The following RYR3 variants were observed in gnomAD, a reference collection of about 807,000 sequenced individuals.
RYR3 encodes the protein ryanodine receptor 3.
In RYR3, 207 loss-of-function variants were observed where a neutral mutation model predicts 584.3. The ratio of observed to expected loss-of-function variants is 0.35; its 90% CI spans 0.32 to 0.40. The LOEUF is 0.40. RYR3 is among the 10% of genes least tolerant of loss of function. The pLI is 1.00. For missense variants in RYR3, 5,616 were observed against 6,089.2 expected (o/e 0.92, Z 2.59); for synonymous variants, 2,416 against 2,248.5 (o/e 1.07, Z -2.11).
At chr15:33,465,469 A>G (rs2048407469) in intron 1 of RYR3, among the ~76,000 whole-genome samples, 1 of 152,120 alleles carries the variant, frequency 6.6e-6, no homozygotes, top group Non-Finnish European at 1.5e-5. Flanking sequence ...TATGCTCACC[A>G]ATACTTCATA....
At chr15:33,858,935 GC>G (rs1381665048) in intron 99 of RYR3, 1 of 152,378 alleles carries the variant, frequency 6.6e-6, no homozygotes, top group Admixed American at 6.5e-5. Context: ...AGCAATCCTA[GC>G]CCCTAGAGTA....
At chr15:33,417,735 T>G (rs1453299260) in intron 1 of RYR3, among the ~76,000 whole-genome samples, 2 of 152,174 alleles carry the variant, frequency 1.3e-5, no homozygotes, top group Non-Finnish European at 2.9e-5. Flanking sequence ...ATAAGAGCAG[T>G]GGGAATGGAC....
At position 33,665,246 on chromosome 15, in the gene RYR3, A is replaced by G. The variant is rs193258738; in HGVS notation, c.5619+1509A>G. Among the ~76,000 whole-genome samples the G allele has an allele frequency of 4.4e-3, 666 of 152,228 alleles. 1 individual carries two copies. Among genetic ancestry groups the G allele is most frequent in the Admixed American group, 0.011 (174 of 15,294 alleles). On this transcript the variant is annotated intron_variant, in intron 36 of 103. Transcript: ENST00000634891. Reference sequence around the variant, plus strand: ...TGTGGGTTCCCAAACTGGCTCCCCCATTGCTCGCTGTGTGGTCTTCCACAT... The same window carrying G: ...TGTGGGTTCCCAAACTGGCTCCCCCGTTGCTCGCTGTGTGGTCTTCCACAT...
At position 33,840,446 on chromosome 15, in the gene RYR3, A is replaced by G. The variant is rs2078285644; in HGVS notation, c.12979-379A>G. ...TGGGATACTGGCAAGAGGATTAAAG[A>G]CAAGGCAAGAAGAAGCCTGTCAGAT... On this transcript the variant is annotated intron_variant, in intron 89 of 103. Coordinates refer to ENST00000634891, the MANE Select transcript of RYR3 (RefSeq NM_001036.6). 1.7e-5 allele frequency: 4 copies of G among 229,788 alleles called. No individual in the cohort carries two copies. In the South Asian group the frequency reaches 3.1e-4, roughly 18 times the overall value. The allele number at this position is 229,788 out of a possible 1,614,324, so 14.2% of individuals were successfully genotyped here.
At chr15:33,848,181 T>C (rs2078845885) in intron 93 of RYR3, 110 bp from the exon 94 acceptor site, 1 of 1,366,016 alleles carries the variant, frequency 7.3e-7, no homozygotes, top group Non-Finnish European at 1.0e-6. Context: ...AATTCCACTA[T>C]AAGGAGATTG....
intron 3 of RYR3, among the ~76,000 whole-genome samples, chr15:33,516,113 C>A (rs1162639508): frequency 6.6e-6 from 1 of 152,116 alleles, no homozygotes; most frequent in African/African-American, 2.4e-5. Flanking sequence ...TTGCTTCAAT[C>A]CCTTTTCCTG....
chr15:33,572,688 C>CACACACAT (rs368204203), intron 12 of RYR3, among the ~76,000 whole-genome samples: 3,630 of 131,154 alleles, frequency 0.028, 74 homozygotes, highest in African/African-American at 0.044. Context: ...CACACACACA[C>CACACACAT]ACTGGGCTGG....
chr15:33,686,689 C>T (rs2065033545), intron 38 of RYR3, among the ~76,000 whole-genome samples: 1 of 152,168 alleles, frequency 6.6e-6, no homozygotes, highest in African/African-American at 2.4e-5. Flanking sequence ...AAAATACTGG[C>T]AAACTGAATC....
intron 43 of RYR3, among the ~76,000 whole-genome samples, chr15:33,718,146 G>C (rs779727915): frequency 6.6e-6 from 1 of 152,110 alleles, no homozygotes; most frequent in African/African-American, 2.4e-5. Context: ...CTGAAGCCCC[G>C]TGTTCTCTCT....
At chr15:33,678,289 G>T (rs1417441862) in intron 38 of RYR3, among the ~76,000 whole-genome samples, 1 of 152,170 alleles carries the variant, frequency 6.6e-6, no homozygotes, top group South Asian at 2.1e-4. Context: ...ATCATGGGGG[G>T]GAGACTTCCC....
rs144115767 is a variant in RYR3 at position 33,662,986 on chromosome 15, A to ATC, written c.5418+40_5418+41dup. On this transcript the variant is annotated intron_variant, in intron 35 of 103. Coordinates refer to ENST00000634891, the MANE Select transcript of RYR3 (RefSeq NM_001036.6). ...TGGTTAAGTGGAGGCAGGTTAATAG[A>ATC]TCTTCTGCTTTGATCAAAATATCAG... 765 of 1,557,256 alleles carry ATC rather than the reference A, an allele frequency of 4.9e-4. 1 individual carries two copies. The African/African-American group carries it at 9.4e-3, about 19-fold the overall frequency.
At position 33,736,269 on chromosome 15, in the gene RYR3, C is replaced by A. The variant is rs982640281; in HGVS notation, c.7459C>A (p.Arg2487=). 9 of 1,612,914 alleles carry A rather than the reference C, an allele frequency of 5.6e-6. No homozygotes were observed. The highest frequency in any genetic ancestry group is 3.3e-5 in the Admixed American group (2 of 59,970). Residue 2487 remains arginine, a synonymous_variant, in exon 49 of 104, where the codon CGA becomes AGA. Transcript: ENST00000634891. ...LRPSMLQQLL[R]RLVFDVPQLN... ...GCCTTCCATGTTACAGCAACTCCTG[C>A]GACGCCTCGTTTTTGATGTGCCGCA... is the stretch of plus-strand genomic sequence containing the variant.
intron 13 of RYR3, among the ~76,000 whole-genome samples, chr15:33,580,459 T>A (rs1286816231): frequency 7.0e-6 from 1 of 143,634 alleles, no homozygotes; most frequent in African/African-American, 2.9e-5. Flanking sequence ...TTGGGAAACG[T>A]TAGAATTACC....
At chr15:33,632,847 C>T (rs1254175484) in intron 23 of RYR3, 102 bp from the exon 24 acceptor site, 1 of 979,436 alleles carries the variant, frequency 1.0e-6, no homozygotes, top group Non-Finnish European at 1.5e-6. Context: ...TGACTGTAGC[C>T]TTATTTGCGT....
At chr15:33,339,686 C>T (rs946494316) in intron 1 of RYR3, among the ~76,000 whole-genome samples, 2 of 151,982 alleles carry the variant, frequency 1.3e-5, no homozygotes, top group Non-Finnish European at 1.5e-5. Context: ...TCAGGAGATC[C>T]AGACCATCCT....
intron 1 of RYR3, among the ~76,000 whole-genome samples, chr15:33,385,981 C>T (rs1347857179): frequency 2.0e-5 from 3 of 152,054 alleles, no homozygotes; most frequent in South Asian, 2.1e-4. Context: ...ACTGGGATAA[C>T]AGATGTGAGC....
chr15:33,566,907 A>C, intron 12 of RYR3, 108 bp downstream of exon 12: 1 of 1,242,996 alleles, frequency 8.0e-7, no homozygotes, highest in Non-Finnish European at 1.2e-6. Context: ...AAATAATGAT[A>C]CACCAGCAAA....
intron 43 of RYR3, among the ~76,000 whole-genome samples, chr15:33,715,077 A>G (rs2067396860): frequency 6.6e-6 from 1 of 152,224 alleles, no homozygotes; most frequent in Non-Finnish European, 1.5e-5. Context: ...ATAGTTTAAC[A>G]AAGTCCTAAA....
In RYR3 at chr15:33,767,063, G is replaced by GA. The variant is rs571881623; in HGVS notation, c.8706-1590dup. Among the ~76,000 whole-genome samples, 12 of 152,340 alleles carry GA rather than the reference G, an allele frequency of 7.9e-5. 1 individual carries two copies. Among genetic ancestry groups the GA allele is most frequent in the Admixed American group, 4.6e-4 (7 of 15,298 alleles). On this transcript the variant is annotated intron_variant, in intron 60 of 103. Transcript: ENST00000634891. ...ACAACCCAAATATCTGCCTTTGTTA[G>GA]AAAAACATTGTTTTGTGTTTACACA...
Sources: gnomAD v4.1 joint callset for allele counts (sites outside exome capture counted in the v4.1 genomes callset) on GRCh38, gnomAD v4.1.1 for gene constraint, MANE v1.5 for transcripts, NCBI Gene and HGNC (gene_info 2026-07-23, HGNC 2026-07-21) for gene names.